Variants in RORA observed in about 807,000 individuals in gnomAD.
The protein encoded by RORA is nuclear receptor ROR-alpha.
Under a neutral mutation model 69.5 loss-of-function variants are expected in RORA, and 7 were observed. That is an observed-to-expected ratio of 0.10 (90% CI 0.06 to 0.19). The LOEUF (loss-of-function observed/expected upper bound fraction) is 0.19, where lower values mean the gene tolerates loss of function less well. RORA is among the 10% of genes least tolerant of loss of function. The pLI is 1.00. For synonymous variants in RORA, 261 were observed against 240.8 expected, an observed-to-expected ratio of 1.08 and a Z score of -0.78; for missense variants, 457 against 663.0, an observed-to-expected ratio of 0.69 and a Z score of 3.41.
Position 60,526,729 on chromosome 15 carries a change from A to G in RORA, c.282+5037T>C, listed in dbSNP as rs567766379. On this transcript the variant is annotated intron_variant, in intron 3 of 10. Transcript: ENST00000335670. ...GGGGCCACGTATTAAAATAAAAATG[A>G]GCATGAATGTATCAATGGTGAAAAG... Among the ~76,000 whole-genome samples, 48 of 152,360 alleles carry G rather than the reference A, an allele frequency of 3.2e-4. 2 individuals are homozygous for G. The highest frequency in any genetic ancestry group is 1.2e-3 in the African/African-American group (48 of 41,584).
chr15:60,981,107 T>C (rs1350840926), intron 1 of RORA, among the ~76,000 whole-genome samples: 1 of 151,758 alleles, frequency 6.6e-6, no homozygotes, highest in Non-Finnish European at 1.5e-5. Flanking sequence ...GTATTTTTTT[T>C]TTTTCAGCAC....
At chr15:60,751,545 G>T (rs992157591) in intron 1 of RORA, among the ~76,000 whole-genome samples, 2 of 152,130 alleles carry the variant, frequency 1.3e-5, no homozygotes, top group African/African-American at 2.4e-5. Flanking sequence ...CTTTACAAAT[G>T]ATGTTGAGGT....
At chr15:60,928,812 A>G (rs1282368147) in intron 1 of RORA, among the ~76,000 whole-genome samples, 1 of 152,202 alleles carries the variant, frequency 6.6e-6, no homozygotes, top group Non-Finnish European at 1.5e-5. Flanking sequence ...TGCTGGCAAT[A>G]ATGCACAGAG....
In RORA at chr15:60,993,317, T is replaced by C. The variant is rs141961507; in HGVS notation, c.166+235736A>G. 2.8e-3 allele frequency among the ~76,000 whole-genome samples: 427 copies of C among 152,218 alleles called. 7 individuals carry two copies. The highest frequency in any genetic ancestry group is 9.8e-3 in the African/African-American group (406 of 41,518). ...GTATTACTGTCCCCCTTTTATAGAC[T>C]GGCTAAGAAACTTACAAAGCAAGTT... On this transcript the variant is annotated intron_variant, in intron 1 of 10. Coordinates refer to ENST00000335670, the MANE Select transcript of RORA (RefSeq NM_134261.3).
chr15:60,798,272 C>A (rs1056116132), intron 1 of RORA, among the ~76,000 whole-genome samples: 2 of 143,614 alleles, frequency 1.4e-5, no homozygotes, highest in African/African-American at 5.2e-5. Flanking sequence ...ACACACACCA[C>A]CTGCAGTGTA....
chr15:61,139,513 CT>C (rs1333257310), intron 1 of RORA, among the ~76,000 whole-genome samples: 2 of 152,204 alleles, frequency 1.3e-5, no homozygotes, highest in Non-Finnish European at 2.9e-5. Flanking sequence ...AATACATCAA[CT>C]TTTGGATTTG....
At chr15:60,715,135 C>T (rs561430005) in intron 1 of RORA, among the ~76,000 whole-genome samples, 1 of 152,288 alleles carries the variant, frequency 6.6e-6, no homozygotes, top group South Asian at 2.1e-4. Flanking sequence ...AATAACTACA[C>T]AAACACCCGA....
At chr15:60,997,995 T>C (rs1253397730) in intron 1 of RORA, among the ~76,000 whole-genome samples, 1 of 152,170 alleles carries the variant, frequency 6.6e-6, no homozygotes, top group Non-Finnish European at 1.5e-5. Flanking sequence ...ATCACGATGC[T>C]CCGGTGAAGA....
chr15:61,184,851 G>A (rs1308404019), intron 1 of RORA, among the ~76,000 whole-genome samples: 1 of 151,944 alleles, frequency 6.6e-6, no homozygotes, highest in Non-Finnish European at 1.5e-5. Flanking sequence ...TGGGCATGGT[G>A]GCATGTGTCT....
At chr15:60,636,122 T>C (rs1596084269) in intron 2 of RORA, among the ~76,000 whole-genome samples, 8 of 152,334 alleles carry the variant, frequency 5.3e-5, no homozygotes, top group Admixed American at 5.2e-4. Context: ...CTAGAAACCT[T>C]AGTTCTACAA....
At chr15:61,067,927 G>A (rs2078287769) in intron 1 of RORA, among the ~76,000 whole-genome samples, 2 of 152,210 alleles carry the variant, frequency 1.3e-5, no homozygotes, top group Admixed American at 1.3e-4. Context: ...TTCTTGAGGA[G>A]TATTGGTCTA....
chr15:60,830,323 A>G (rs2073024889), intron 1 of RORA, among the ~76,000 whole-genome samples: 1 of 152,196 alleles, frequency 6.6e-6, no homozygotes. Context: ...ATTTTGGATA[A>G]TTTTCTGCCA....
At chr15:60,642,683 A>G (rs902860368) in intron 2 of RORA, among the ~76,000 whole-genome samples, 29 of 152,086 alleles carry the variant, frequency 1.9e-4, no homozygotes, top group African/African-American at 7.0e-4. Flanking sequence ...TTGAGCCCGG[A>G]AGTTCAAGAC....
intron 1 of RORA, among the ~76,000 whole-genome samples, chr15:60,989,672 G>C (rs562478810): frequency 6.6e-6 from 1 of 152,300 alleles, no homozygotes; most frequent in African/African-American, 2.4e-5. Context: ...GTCAGGATTG[G>C]AATCTAGTCC....
chr15:61,174,511 C>T (rs984383527), intron 1 of RORA, among the ~76,000 whole-genome samples: 13 of 152,154 alleles, frequency 8.5e-5, no homozygotes, highest in Non-Finnish European at 1.5e-4. Context: ...AAAAGAGGGG[C>T]GGGAAATGTG....
intron 2 of RORA, among the ~76,000 whole-genome samples, chr15:60,587,318 A>G (rs898387249): frequency 1.3e-5 from 2 of 152,230 alleles, no homozygotes; most frequent in Non-Finnish European, 2.9e-5. Context: ...AGTAATTTAA[A>G]GATATTAGGC....
chr15:61,009,240 A>C (rs937022107), intron 1 of RORA, among the ~76,000 whole-genome samples: 1 of 152,218 alleles, frequency 6.6e-6, no homozygotes, highest in African/African-American at 2.4e-5. Context: ...AAAGTAGCCC[A>C]TTCCGGGGGA....
intron 1 of RORA, among the ~76,000 whole-genome samples, chr15:60,768,103 C>G (rs889335197): frequency 6.6e-6 from 1 of 152,198 alleles, no homozygotes; most frequent in African/African-American, 2.4e-5. Flanking sequence ...ACAGTAAATT[C>G]TATCTGTGTT....
At chr15:60,841,115 G>C in intron 1 of RORA, 1 of 984,088 alleles carries the variant, frequency 1.0e-6, no homozygotes, top group South Asian at 4.7e-5. Context: ...GCAGAGAGCT[G>C]AGGGAAACAA....
Sources: gnomAD v4.1 joint callset for allele counts (sites outside exome capture counted in the v4.1 genomes callset) on GRCh38, gnomAD v4.1.1 for gene constraint, MANE v1.5 for transcripts, NCBI Gene and HGNC (gene_info 2026-07-23, HGNC 2026-07-21) for gene names.